TSGA10: variants seen among roughly 807,000 people sequenced by gnomAD.
TSGA10 encodes the protein testis specific 10, also known as testis-specific gene 10 protein.
TSGA10 carries 43 observed loss-of-function variants against 96.6 expected under a neutral mutation model. That is an observed-to-expected ratio of 0.44 (90% CI 0.35 to 0.57). The LOEUF (loss-of-function observed/expected upper bound fraction) is 0.57. Ranked by LOEUF, TSGA10 falls within the 20% of genes least tolerant of loss-of-function variation. TSGA10 has a pLI of 0.01. For missense variants in TSGA10, 703 were observed against 834.4 expected (o/e 0.84, Z 1.94); for synonymous variants, 229 against 269.9 (o/e 0.85, Z 1.48).
At chr2:99,035,575 G>A (rs892859693) in intron 16 of TSGA10, 136 bp from the exon 17 acceptor site, 5 of 519,944 alleles carry the variant, frequency 9.6e-6, no homozygotes, top group Non-Finnish European at 1.3e-5. Context: ...AATACAGGTG[G>A]TAACAATATG....
At chr2:99,086,137 A>G (rs1350628009) in intron 10 of TSGA10, among the ~76,000 whole-genome samples, 2 of 151,682 alleles carry the variant, frequency 1.3e-5, no homozygotes, top group Admixed American at 6.6e-5. Context: ...GTTTACCTAC[A>G]TAACAAACCT....
At chr2:99,042,969 G>C (rs1192331981) in intron 16 of TSGA10, among the ~76,000 whole-genome samples, 1 of 152,084 alleles carries the variant, frequency 6.6e-6, no homozygotes, top group Non-Finnish European at 1.5e-5. Context: ...AAAGTGCTGG[G>C]ATTACAGGGA....
chr2:99,071,770 T>C lies in TSGA10; in HGVS notation c.1043A>G (p.Asp348Gly), dbSNP rs1315845287. 5 of 1,613,862 alleles carry C rather than the reference T, an allele frequency of 3.1e-6. No individual in the cohort carries two copies. Among genetic ancestry groups the C allele is most frequent in the East Asian group, 2.2e-5 (1 of 44,884 alleles). The part of the protein sequence containing the change: ...DELAQIARER[D>G]ILAHDNDNLQ... Reference sequence around the variant, plus strand: ...ATTGTCATTGTCATGAGCCAAGATATCTCTTTCCCTGGCGATCTGGGCCAG... The same window carrying C: ...ATTGTCATTGTCATGAGCCAAGATACCTCTTTCCCTGGCGATCTGGGCCAG... Residue 348 changes from aspartate to glycine, a missense_variant, in exon 14 of 21, where the codon GAT (aspartate) becomes GGT (glycine). Asp to Gly is a moderately conservative substitution (Grantham distance 94). Around this residue, in one of 3 missense-constraint regions of TSGA10, gnomAD observed 585 missense variants for 656.8 expected, o/e 0.89. Transcript: ENST00000393483.
intron 16 of TSGA10, among the ~76,000 whole-genome samples, chr2:99,039,723 T>C (rs2082013717): frequency 6.6e-6 from 1 of 152,024 alleles, no homozygotes; most frequent in Non-Finnish European, 1.5e-5. Flanking sequence ...CCTACTGAAA[T>C]TATTCCACAA....
At chr2:99,092,829 AAAG>A (rs1443384158) in intron 10 of TSGA10, among the ~76,000 whole-genome samples, 2 of 152,138 alleles carry the variant, frequency 1.3e-5, no homozygotes, top group African/African-American at 4.8e-5. Flanking sequence ...TCAGACATTC[AAAG>A]AAGAATTGGT....
intron 17 of TSGA10, among the ~76,000 whole-genome samples, chr2:99,029,821 T>C (rs1043040048): frequency 1.3e-5 from 2 of 152,296 alleles, no homozygotes; most frequent in South Asian, 4.1e-4. Flanking sequence ...CTGCCTAATA[T>C]TGGGAAGAAG....
At chr2:99,010,505 C>T (rs983982746) in intron 20 of TSGA10, among the ~76,000 whole-genome samples, 3 of 152,292 alleles carry the variant, frequency 2.0e-5, no homozygotes, top group Non-Finnish European at 2.9e-5. Flanking sequence ...AAAATTTAAC[C>T]TTATCTAGAG....
At chr2:99,150,664 C>A (rs748427012) in intron 1 of TSGA10, 2 of 1,613,930 alleles carry the variant, frequency 1.2e-6, no homozygotes, top group South Asian at 1.1e-5. Flanking sequence ...CAGGTTGGAA[C>A]CAGCGACTCA....
rs574006994 is a variant in TSGA10 at position 99,050,563 on chromosome 2, G to C, written c.1404+14376C>G. ...GAAAAGGGAATAGAACTATGTAACA[G>C]TAACAGTTCCATATATCATCAGAAT... On this transcript the variant is annotated intron_variant, in intron 16 of 20. Coordinates refer to ENST00000393483, the MANE Select transcript of TSGA10 (RefSeq NM_025244.4). Among the ~76,000 whole-genome samples the C allele has an allele frequency of 3.9e-5, 6 of 152,220 alleles. No individual in the cohort carries two copies. The East Asian group carries it at 1.2e-3, about 29-fold the overall frequency.
At chr2:99,102,142 T>C (rs2090835815) in intron 10 of TSGA10, 2 of 1,474,272 alleles carry the variant, frequency 1.4e-6, no homozygotes, top group South Asian at 1.1e-5. Flanking sequence ...AAATCGATCA[T>C]GGAGCTGATG....
At chr2:99,122,449 AC>A (rs1316101744) in intron 2 of TSGA10, among the ~76,000 whole-genome samples, 1 of 151,804 alleles carries the variant, frequency 6.6e-6, no homozygotes, top group Non-Finnish European at 1.5e-5. Context: ...TGCATTTAAA[AC>A]CACATTCGAC....
intron 2 of TSGA10, chr2:99,125,375 T>C (rs576959529): frequency 6.6e-6 from 1 of 152,360 alleles, no homozygotes. Flanking sequence ...CTTTATTTTT[T>C]AGTTCCAAAA....
In TSGA10 at chr2:99,065,109, G is replaced by T. The variant is rs1481542629; in HGVS notation, c.1234C>A (p.Gln412Lys). The T allele has an allele frequency of 6.2e-7, 1 of 1,611,182 alleles. No individual in the cohort carries two copies. The highest frequency in any genetic ancestry group is 8.5e-7 in the Non-Finnish European group (1 of 1,179,268). ...ILKSEESENR[Q>K]MMEQLRKANE... is the part of the protein sequence containing the mutation. ...GCTTTTCGAAGTTGTTCCATCATTT[G>T]CCGGTTCTCAGATTCCTGAAAAGCA... Residue 412 changes from glutamine to lysine, a missense_variant, in exon 16 of 21, where the codon CAA becomes AAA. Gln to Lys is a moderately conservative substitution (Grantham distance 53). Coordinates refer to ENST00000393483, the MANE Select transcript of TSGA10 (RefSeq NM_025244.4).
At chr2:99,117,476 C>A in intron 4 of TSGA10, 68 bp downstream of exon 4, 1 of 730,728 alleles carries the variant, frequency 1.4e-6, no homozygotes, top group African/African-American at 1.9e-5. Flanking sequence ...CTACTTTTTC[C>A]ATTGCATTTA....
intron 18 of TSGA10, among the ~76,000 whole-genome samples, chr2:99,018,851 C>A (rs2079761993): frequency 6.6e-6 from 1 of 152,158 alleles, no homozygotes; most frequent in South Asian, 2.1e-4. Context: ...TAAGCAATCC[C>A]AGTCCCATTT....
At chr2:99,139,955 G>A (rs540731253) in intron 1 of TSGA10, among the ~76,000 whole-genome samples, 53 of 152,118 alleles carry the variant, frequency 3.5e-4, no homozygotes, top group Admixed American at 8.5e-4. Context: ...GTGTATGGAG[G>A]ACTTCAAAAC....
chr2:99,114,996 G>A (rs371090164), intron 4 of TSGA10, among the ~76,000 whole-genome samples: 1 of 152,128 alleles, frequency 6.6e-6, no homozygotes, highest in Non-Finnish European at 1.5e-5. Context: ...AGCGTGACGT[G>A]ATTTTGGCTC....
chr2:99,024,046 C>T (rs2080300566), intron 17 of TSGA10, among the ~76,000 whole-genome samples: 1 of 151,834 alleles, frequency 6.6e-6, no homozygotes, highest in South Asian at 2.1e-4. Context: ...ATTTAGGTCT[C>T]CTTTAATTTC....
chr2:99,102,625 G>C (rs1196383760), intron 10 of TSGA10: 1 of 1,614,012 alleles, frequency 6.2e-7, no homozygotes, highest in African/African-American at 1.3e-5. Context: ...ACTACTTTTA[G>C]GCCTGAACTG....
Sources: allele counts gnomAD v4.1 joint callset (sites outside exome capture counted in the v4.1 genomes callset), GRCh38; gene constraint gnomAD v4.1.1; regional missense constraint gnomAD v4.1.1; transcripts MANE v1.5; gene names NCBI Gene and HGNC (gene_info 2026-07-23, HGNC 2026-07-21).